Variants in PPARGC1A observed in about 807,000 individuals in gnomAD.
PPARGC1A encodes the protein peroxisome proliferator-activated receptor gamma coactivator 1-alpha.
In PPARGC1A, 25 loss-of-function variants were observed where a neutral mutation model predicts 88.7. The observed-to-expected ratio is 0.28, with a 90% CI of 0.21 to 0.39. PPARGC1A has a LOEUF of 0.39. PPARGC1A is among the 10% of genes least tolerant of loss of function. The pLI, the probability that PPARGC1A is intolerant of heterozygous loss-of-function variation, is 1.00. For synonymous variants in PPARGC1A, 363 were observed against 355.6 expected, an observed-to-expected ratio of 1.02 and a Z score of -0.24; for missense variants, 880 against 968.7, an observed-to-expected ratio of 0.91 and a Z score of 1.22.
intron 12 of PPARGC1A, among the ~76,000 whole-genome samples, chr4:23,799,489 T>A (rs1718261277): frequency 6.6e-6 from 1 of 152,196 alleles, no homozygotes; most frequent in African/African-American, 2.4e-5. Context: ...TAAGTCAGAT[T>A]TCAATCCCAG....
the PPARGC1A span, among the ~76,000 whole-genome samples, chr4:24,281,207 A>C: frequency 6.6e-6 from 1 of 152,354 alleles, no homozygotes; most frequent in Admixed American, 6.5e-5. Context: ...TGAAACTTAC[A>C]GCTACCCGTC....
the PPARGC1A span, among the ~76,000 whole-genome samples, chr4:24,313,800 T>C: frequency 8.5e-5 from 13 of 152,198 alleles, no homozygotes; most frequent in Admixed American, 5.9e-4. Flanking sequence ...TAGGTACATA[T>C]GCTAAAGAAA....
intron 1 of PPARGC1A, chr4:23,889,190 C>A: frequency 1.0e-6 from 1 of 985,402 alleles, no homozygotes; most frequent in Non-Finnish European, 1.2e-6. Flanking sequence ...TGCATAAACT[C>A]TATTCTCTCT....
the PPARGC1A span, among the ~76,000 whole-genome samples, chr4:24,275,890 C>T: frequency 6.6e-6 from 1 of 152,168 alleles, no homozygotes; most frequent in Non-Finnish European, 1.5e-5. Context: ...AACTATAGAG[C>T]TGCTTCTGTG....
chr4:23,828,257 G>A (rs566791172), intron 5 of PPARGC1A, 143 bp downstream of exon 5: 16 of 831,566 alleles, frequency 1.9e-5, no homozygotes, highest in Admixed American at 1.0e-4. Flanking sequence ...TTCTTCCCCC[G>A]CTCTGTAATA....
At chr4:24,333,859 G>A in the PPARGC1A span, among the ~76,000 whole-genome samples, 1 of 141,212 alleles carries the variant, frequency 7.1e-6, no homozygotes, top group East Asian at 2.2e-4. Flanking sequence ...TCTTAAACCT[G>A]GGAGGTGCTG....
chr4:24,052,526 A>G, the PPARGC1A span, among the ~76,000 whole-genome samples: 1 of 151,962 alleles, frequency 6.6e-6, no homozygotes, highest in Non-Finnish European at 1.5e-5. Context: ...AATCCCAGCT[A>G]CTTGACAGGC....
At position 23,842,012 on chromosome 4, in the gene PPARGC1A, A is replaced by G. The variant is rs1727138809; in HGVS notation, c.235-10261T>C. Among the ~76,000 whole-genome samples, 3 of 152,140 alleles carry G rather than the reference A, an allele frequency of 2.0e-5. No homozygotes were observed. In the South Asian group the frequency reaches 6.2e-4, roughly 31 times the overall value. ...TATTAAACCAGATATATCTGATGAA[A>G]TATCATTCTCACTCCCTTTCTTTAT... is the stretch of plus-strand genomic sequence containing the variant. On this transcript the variant is annotated intron_variant, in intron 2 of 12. Coordinates refer to ENST00000264867, the MANE Select transcript of PPARGC1A (RefSeq NM_013261.5).
the PPARGC1A span, among the ~76,000 whole-genome samples, chr4:24,189,734 AC>A: frequency 6.6e-6 from 1 of 152,104 alleles, no homozygotes; most frequent in Non-Finnish European, 1.5e-5. Flanking sequence ...AAGTCTAAGC[AC>A]CCGGCACCCT....
chr4:24,367,593 A>G, the PPARGC1A span, among the ~76,000 whole-genome samples: 2 of 152,188 alleles, frequency 1.3e-5, no homozygotes, highest in African/African-American at 4.8e-5. Context: ...TAGGAGGAAC[A>G]GTGGGAAGAT....
At chr4:23,849,830 A>G (rs1344348884) in intron 2 of PPARGC1A, among the ~76,000 whole-genome samples, 2 of 147,974 alleles carry the variant, frequency 1.4e-5, no homozygotes, top group African/African-American at 5.0e-5. Flanking sequence ...TTTGGAGGGC[A>G]GGTGTTTCAT....
rs757606579 is a variant in PPARGC1A, at chr4:23,831,748, T to C, written c.238A>G (p.Ile80Val). 5.6e-6 allele frequency: 9 copies of C among 1,608,328 alleles called. No individual in the cohort carries two copies. The highest frequency in any genetic ancestry group is 6.8e-6 in the Non-Finnish European group (8 of 1,175,262). ...NNEPSNIFEK[I>V]DEENEANLLA... ...AAGTTTGCCTCATTCTCTTCATCTA[T>C]CTTCTGCAGAAAGAGAAAAAAACAG... The change falls in exon 3 of 13, where the codon ATA becomes GTA. Residue 80 changes from isoleucine to valine, a missense_variant. Ile to Val is a conservative substitution (Grantham distance 29). Coordinates refer to ENST00000264867, the MANE Select transcript of PPARGC1A (RefSeq NM_013261.5).
At chr4:24,162,813 C>T in the PPARGC1A span, among the ~76,000 whole-genome samples, 2 of 151,770 alleles carry the variant, frequency 1.3e-5, no homozygotes, top group African/African-American at 2.4e-5. Flanking sequence ...AGTCTGGTCT[C>T]GCACCCCTGA....
the PPARGC1A span, among the ~76,000 whole-genome samples, chr4:24,206,151 T>TA: frequency 6.6e-6 from 1 of 152,124 alleles, no homozygotes; most frequent in South Asian, 2.1e-4. Context: ...GGCATTTTAA[T>TA]AAAAAAATAA....
chr4:24,179,633 C>T, the PPARGC1A span, among the ~76,000 whole-genome samples: 3 of 152,172 alleles, frequency 2.0e-5, no homozygotes, highest in East Asian at 1.9e-4. Flanking sequence ...TAACCACAGG[C>T]TCACTGCAAA....
At chr4:24,353,825 A>G in the PPARGC1A span, among the ~76,000 whole-genome samples, 1 of 152,194 alleles carries the variant, frequency 6.6e-6, no homozygotes. Context: ...TTGATAGGAA[A>G]CGACTGAGCC....
At chr4:24,334,213 C>T in the PPARGC1A span, among the ~76,000 whole-genome samples, 1 of 152,170 alleles carries the variant, frequency 6.6e-6, no homozygotes, top group African/African-American at 2.4e-5. Flanking sequence ...CCAGTCACAC[C>T]GTGAGAACCA....
chr4:24,162,506 A>C, the PPARGC1A span, among the ~76,000 whole-genome samples: 2 of 152,174 alleles, frequency 1.3e-5, no homozygotes, highest in East Asian at 3.9e-4. Context: ...TGTAGAGTTA[A>C]TATTGGCTAT....
chr4:23,923,116 G>GTTTTTT, the PPARGC1A span, among the ~76,000 whole-genome samples: 5 of 131,686 alleles, frequency 3.8e-5, no homozygotes, highest in Admixed American at 7.4e-5. Flanking sequence ...TTTGTTGCTT[G>GTTTTTT]TTTTTTTTTT....
Sources: gnomAD v4.1 joint callset for allele counts (sites outside exome capture counted in the v4.1 genomes callset) on GRCh38, gnomAD v4.1.1 for gene constraint, MANE v1.5 for transcripts, NCBI Gene and HGNC (gene_info 2026-07-23, HGNC 2026-07-21) for gene names.